The following GRM5 variants were observed in gnomAD, a reference collection of about 807,000 sequenced individuals.
The protein encoded by GRM5 is glutamate metabotropic receptor 5, also known as metabotropic glutamate receptor 5.
GRM5 carries 19 observed loss-of-function variants against 83.1 expected under a neutral mutation model. That is an observed-to-expected ratio of 0.23 (90% CI 0.16 to 0.34). The LOEUF (loss-of-function observed/expected upper bound fraction) is 0.34. Among genes scored for constraint, GRM5 ranks in the 10% least tolerant of loss-of-function variants. The pLI, the probability that GRM5 is intolerant of heterozygous loss-of-function variation, is 1.00. For synonymous variants in GRM5, 675 were observed against 633.6 expected, an observed-to-expected ratio of 1.07 and a Z score of -0.98; for missense variants, 1,160 against 1,588.3, an observed-to-expected ratio of 0.73 and a Z score of 4.58.
intron 2 of GRM5, among the ~76,000 whole-genome samples, chr11:88,983,071 A>G (rs1939580244): frequency 6.6e-6 from 1 of 152,206 alleles, no homozygotes; most frequent in Non-Finnish European, 1.5e-5. Flanking sequence ...CGTCACACAC[A>G]CAAACACAAA....
chr11:88,594,694 T>G (rs775327489), intron 6 of GRM5, among the ~76,000 whole-genome samples: 1 of 152,222 alleles, frequency 6.6e-6, no homozygotes, highest in Admixed American at 6.5e-5. Context: ...GCTTTCCAAA[T>G]CTTCAGACCT....
rs560924956 is a variant in GRM5, at chr11:88,816,977, C to T, written c.911+32929G>A. Among the ~76,000 whole-genome samples the T allele has an allele frequency of 5.9e-5, 9 of 152,256 alleles. 1 individual carries two copies. In the South Asian group the frequency reaches 1.9e-3, roughly 32 times the overall value. On this transcript the variant is annotated intron_variant, in intron 3 of 9. Coordinates refer to ENST00000305447, the MANE Select transcript of GRM5 (RefSeq NM_001143831.3). ...TCTATCTGTCTGTCGGTCTGTCTAT[C>T]TATCTACATAAATTTGAAAAATCAA...
rs554172089 is a variant in GRM5 at position 89,008,748 on chromosome 11, A to C, written c.661+38464T>G. Among the ~76,000 whole-genome samples, 6 of 152,274 alleles carry C rather than the reference A, an allele frequency of 3.9e-5. No individual in the cohort carries two copies. In the East Asian group the frequency reaches 7.7e-4, roughly 20 times the overall value. On this transcript the variant is annotated intron_variant, in intron 2 of 9. Transcript: ENST00000305447. ...TATTTCTAATTCAAACTCATGAAAA[A>C]AATGTTTCTTCACATTACACTACAA... is the stretch of plus-strand genomic sequence containing the variant.
At chr11:88,515,387 G>A (rs940520010) in intron 9 of GRM5, among the ~76,000 whole-genome samples, 3 of 152,156 alleles carry the variant, frequency 2.0e-5, no homozygotes, top group African/African-American at 7.2e-5. Context: ...GAGCTCTGGT[G>A]TTCTGCAGCA....
At chr11:88,556,656 C>G (rs528388116) in intron 8 of GRM5, among the ~76,000 whole-genome samples, 2 of 152,082 alleles carry the variant, frequency 1.3e-5, no homozygotes, top group East Asian at 1.9e-4. Context: ...TCACAGTGGA[C>G]CTTTGAGCAC....
chr11:88,658,370 T>C (rs2135313812), intron 3 of GRM5, among the ~76,000 whole-genome samples: 1 of 152,292 alleles, frequency 6.6e-6, no homozygotes, highest in Non-Finnish European at 1.5e-5. Flanking sequence ...ACAAATCACA[T>C]GGCTAAACCT....
intron 2 of GRM5, among the ~76,000 whole-genome samples, chr11:89,006,770 T>G (rs1278453071): frequency 6.6e-6 from 1 of 152,156 alleles, no homozygotes; most frequent in Non-Finnish European, 1.5e-5. Flanking sequence ...CTATATAATT[T>G]CAAATCTTTT....
At chr11:88,856,115 A>G (rs1944471594) in intron 2 of GRM5, among the ~76,000 whole-genome samples, 1 of 152,096 alleles carries the variant, frequency 6.6e-6, no homozygotes, top group African/African-American at 2.4e-5. Flanking sequence ...TCTTTTCCTC[A>G]CAAGGAAATT....
chr11:88,956,002 T>C (rs1274453092), intron 2 of GRM5, among the ~76,000 whole-genome samples: 3 of 152,238 alleles, frequency 2.0e-5, no homozygotes, highest in South Asian at 4.1e-4. Flanking sequence ...AAAAATTCAA[T>C]TGTGAAACAG....
intron 3 of GRM5, among the ~76,000 whole-genome samples, chr11:88,761,675 T>C (rs1235832331): frequency 6.6e-6 from 1 of 151,918 alleles, no homozygotes; most frequent in East Asian, 1.9e-4. Context: ...CTATCAATGA[T>C]ACTCTTCACA....
chr11:88,632,247 C>T (rs865923306), intron 4 of GRM5, among the ~76,000 whole-genome samples: 13 of 110,958 alleles, frequency 1.2e-4, no homozygotes, highest in South Asian at 3.0e-4. Flanking sequence ...ACAGTATGTA[C>T]TTTTTTTTTT....
At chr11:88,835,641 T>C (rs80217408) in intron 3 of GRM5, among the ~76,000 whole-genome samples, 1 of 151,938 alleles carries the variant, frequency 6.6e-6, no homozygotes, top group Non-Finnish European at 1.5e-5. Context: ...AAAACAACTC[T>C]GAGGAAACTG....
chr11:88,729,362 CA>C lies in GRM5; in HGVS notation c.912-75960del, dbSNP rs538867810. On this transcript the variant is annotated intron_variant, in intron 3 of 9. Transcript: ENST00000305447. ...TCAAGGAGAACTACAAACCACTGCC[CA>C]AAAAAAAAAATAAGAGGACACAAAC... Among the ~76,000 whole-genome samples, 482 of 141,554 alleles carry C rather than the reference CA, an allele frequency of 3.4e-3. 2 individuals are homozygous for C. Among genetic ancestry groups the C allele is most frequent in the African/African-American group, 0.011 (440 of 38,392 alleles). The allele number at this position is 141,554 out of a possible 152,430, so 92.9% of individuals were successfully genotyped here.
intron 2 of GRM5, among the ~76,000 whole-genome samples, chr11:88,964,554 C>G (rs575283046): frequency 6.6e-6 from 1 of 152,210 alleles, no homozygotes; most frequent in African/African-American, 2.4e-5. Flanking sequence ...CACCAATAAA[C>G]AAATAGACAG....
At chr11:88,934,520 A>G (rs529757091) in intron 2 of GRM5, among the ~76,000 whole-genome samples, 1 of 151,950 alleles carries the variant, frequency 6.6e-6, no homozygotes, top group South Asian at 2.1e-4. Context: ...GTGAAAAGAG[A>G]CTCAAGTCAC....
At chr11:88,880,810 A>G (rs1341614803) in intron 2 of GRM5, among the ~76,000 whole-genome samples, 1 of 152,188 alleles carries the variant, frequency 6.6e-6, no homozygotes, top group Admixed American at 6.5e-5. Context: ...TAGACTTTAA[A>G]GTCTTATTGG....
chr11:88,652,814 C>A (rs1262677623), intron 4 of GRM5, among the ~76,000 whole-genome samples: 1 of 152,012 alleles, frequency 6.6e-6, no homozygotes, highest in Non-Finnish European at 1.5e-5. Context: ...GTGCTAACTA[C>A]TCTGGATAAT....
intron 7 of GRM5, among the ~76,000 whole-genome samples, chr11:88,578,928 C>A (rs995712974): frequency 1.4e-4 from 21 of 151,906 alleles, no homozygotes; most frequent in African/African-American, 4.8e-4. Flanking sequence ...CATTGATTCA[C>A]AATCACTTCC....
intron 2 of GRM5, among the ~76,000 whole-genome samples, chr11:88,936,880 A>C (rs966740810): frequency 4.0e-5 from 6 of 151,802 alleles, no homozygotes; most frequent in African/African-American, 1.4e-4. Context: ...AAGCCTGGAC[A>C]TAGTTTATGA....
Sources: gnomAD v4.1 joint callset for allele counts (sites outside exome capture counted in the v4.1 genomes callset) on GRCh38, gnomAD v4.1.1 for gene constraint, MANE v1.5 for transcripts, NCBI Gene and HGNC (gene_info 2026-07-23, HGNC 2026-07-21) for gene names.